The following ZNF160 variants were observed in gnomAD, a reference collection of about 807,000 sequenced individuals.
ZNF160 encodes the protein KRAB zinc finger protein KR18.
ZNF160 carries 9 observed loss-of-function variants against 13.1 expected under a neutral mutation model. The observed-to-expected ratio is 0.69, with a 90% CI of 0.41 to 1.20. ZNF160 has a LOEUF of 1.20. Among genes scored for constraint, ZNF160 ranks in the 50% most tolerant of loss-of-function variants. The pLI is 0.01. For missense variants in ZNF160, 838 were observed against 988.0 expected (o/e 0.85, Z 2.04); for synonymous variants, 293 against 333.2 (o/e 0.88, Z 1.31).
intron 3 of ZNF160, 108 bp from the exon 4 acceptor site, chr19:53,075,291 A>T (rs1340500700): frequency 7.1e-7 from 1 of 1,408,720 alleles, no homozygotes; most frequent in African/African-American, 1.4e-5. Flanking sequence ...GAAGTGGGTG[A>T]GCTGACAGAT....
Position 53,070,392 on chromosome 19 carries a change from T to C in ZNF160, c.272-130A>G, listed in dbSNP as rs1180005427. 3.0e-5 allele frequency: 30 copies of C among 1,011,244 alleles called. No homozygotes were observed. The East Asian group carries it at 8.7e-4, about 29-fold the overall frequency. 62.6% of individuals were successfully genotyped at this position (1,011,244 alleles called of 1,614,324 possible). ...GACTTTGGAACTTCAGAACTGTGAA[T>C]TTCAATTGTTAGGAACAAAAATGTT... On this transcript the variant is annotated intron_variant, in intron 5 of 5. Transcript: ENST00000683776.
At chr19:53,083,206 T>A (rs1265986829) in intron 3 of ZNF160, among the ~76,000 whole-genome samples, 1 of 152,128 alleles carries the variant, frequency 6.6e-6, no homozygotes, top group South Asian at 2.1e-4. Context: ...CCACTGGTGA[T>A]CAACTTAACC....
intron 1 of ZNF160, among the ~76,000 whole-genome samples, chr19:53,097,163 G>A (rs918590875): frequency 1.2e-4 from 13 of 109,746 alleles, no homozygotes; most frequent in African/African-American, 4.8e-4. Context: ...AACAGGGAGA[G>A]GCCACCGGCC....
chr19:53,087,589 T>C (rs191306221), intron 2 of ZNF160, among the ~76,000 whole-genome samples: 41 of 152,282 alleles, frequency 2.7e-4, no homozygotes, highest in East Asian at 1.4e-3. Flanking sequence ...TCACTCTTGT[T>C]GCCCAGGCTG....
At chr19:53,077,863 C>A (rs2084461249) in intron 3 of ZNF160, among the ~76,000 whole-genome samples, 1 of 151,746 alleles carries the variant, frequency 6.6e-6, no homozygotes, top group Admixed American at 6.6e-5. Context: ...ATCAGAAAAA[C>A]AATAAATATG....
rs2084119072 is a variant in ZNF160, at chr19:53,070,269, G to A, written c.272-7C>T. On this transcript the variant is annotated splice_region_variant and splice_polypyrimidine_tract_variant and intron_variant, in intron 5 of 5. Coordinates refer to ENST00000683776, the MANE Select transcript of ZNF160 (RefSeq NM_001322131.2). The stretch of plus-strand genomic sequence containing the variant: ...GTACATTTAGGAGGGATATCTACAA[G>A]ATATAAAGAACCACATAATTTCCAA... 2 of 1,550,914 alleles carry A rather than the reference G, an allele frequency of 1.3e-6. No homozygotes were observed. Among genetic ancestry groups the A allele is most frequent in the East Asian group, 4.5e-5 (2 of 44,138 alleles).
chr19:53,072,393 C>T (rs1273783370), intron 5 of ZNF160, among the ~76,000 whole-genome samples: 5 of 152,200 alleles, frequency 3.3e-5, no homozygotes, highest in Non-Finnish European at 1.5e-5. Flanking sequence ...AGCCTCTATA[C>T]CTGGCCTGAC....
rs1238961642 is a variant in ZNF160 at position 53,068,256 on chromosome 19, G to C, written c.2278C>G (p.Pro760Ala). 5.0e-6 allele frequency: 8 copies of C among 1,613,982 alleles called. No homozygotes were observed. The change falls in exon 6 of 6, where the codon CCT becomes GCT. Residue 760 changes from proline to alanine, a missense_variant. Pro to Ala is a conservative substitution (Grantham distance 27). Transcript: ENST00000683776. ...TTCCCACACTCTGTACACCTGTAAG[G>C]TTTCTCCCCAGTATGAATTCTTCGG... ...NHRRIHTGEK[P>A]YRCTECGKAF...
chr19:53,096,738 GGA>G (rs1326671803), intron 1 of ZNF160, among the ~76,000 whole-genome samples: 1 of 127,410 alleles, frequency 7.8e-6, no homozygotes, highest in Non-Finnish European at 1.7e-5. Context: ...AGGGGAGAAA[GGA>G]GAGAGACAAA....
intron 1 of ZNF160, among the ~76,000 whole-genome samples, chr19:53,100,396 G>T (rs2085398843): frequency 6.8e-6 from 1 of 147,272 alleles, no homozygotes; most frequent in African/African-American, 2.5e-5. Flanking sequence ...GGATCACGAG[G>T]TCAGGAGATC....
At chr19:53,093,251 C>G (rs2085100331) in intron 1 of ZNF160, among the ~76,000 whole-genome samples, 1 of 152,124 alleles carries the variant, frequency 6.6e-6, no homozygotes, top group Non-Finnish European at 1.5e-5. Context: ...ACAAGCCTGG[C>G]CAACATGGTG....
At chr19:53,099,373 G>A (rs1054105421) in intron 1 of ZNF160, among the ~76,000 whole-genome samples, 2 of 152,208 alleles carry the variant, frequency 1.3e-5, no homozygotes, top group Non-Finnish European at 2.9e-5. Context: ...TGTGACTAGG[G>A]CAGAGGGAGT....
At chr19:53,074,728 G>A (rs1214558281) in intron 4 of ZNF160, among the ~76,000 whole-genome samples, 2 of 150,470 alleles carry the variant, frequency 1.3e-5, no homozygotes, top group Non-Finnish European at 2.9e-5. Context: ...CAGGAAACAT[G>A]GTACATGCTG....
rs888298285 is a variant in ZNF160, at chr19:53,073,996, G to A, written c.271+144C>T. 4 of 736,916 alleles carry A rather than the reference G, an allele frequency of 5.4e-6. No homozygotes were observed. The Admixed American group carries it at 9.5e-5, about 18-fold the overall frequency. The allele number at this position is 736,916 out of a possible 1,614,324, so 45.6% of individuals were successfully genotyped here. On this transcript the variant is annotated intron_variant, in intron 5 of 5. Coordinates refer to ENST00000683776, the MANE Select transcript of ZNF160 (RefSeq NM_001322131.2). ...GTAGAGATAGGGTTTCACAATGTTG[G>A]TCAGGCTGGTCTCGAACTCCTGACC...
chr19:53,100,791 T>C (rs1273938839), intron 1 of ZNF160, among the ~76,000 whole-genome samples: 1 of 151,814 alleles, frequency 6.6e-6, no homozygotes, highest in Admixed American at 6.6e-5. Context: ...AAGACCAGCC[T>C]GGCCAATATA....
At chr19:53,080,746 A>G (rs1314289219) in intron 3 of ZNF160, among the ~76,000 whole-genome samples, 1 of 152,238 alleles carries the variant, frequency 6.6e-6, no homozygotes, top group Non-Finnish European at 1.5e-5. Context: ...AAAGCAAAAA[A>G]GAGCTCAAAG....
At chr19:53,074,578 G>A (rs1050342353) in intron 4 of ZNF160, among the ~76,000 whole-genome samples, 8 of 151,268 alleles carry the variant, frequency 5.3e-5, no homozygotes, top group Non-Finnish European at 1.0e-4. Flanking sequence ...GCTAAGGCAG[G>A]AGAATGGCAT....
At chr19:53,094,029 C>G (rs944423990) in intron 1 of ZNF160, among the ~76,000 whole-genome samples, 1 of 152,054 alleles carries the variant, frequency 6.6e-6, no homozygotes, top group Non-Finnish European at 1.5e-5. Context: ...AATGAGACCC[C>G]GATATCATAC....
intron 3 of ZNF160, among the ~76,000 whole-genome samples, chr19:53,083,451 C>T (rs2084710050): frequency 6.6e-6 from 1 of 152,204 alleles, no homozygotes; most frequent in South Asian, 2.1e-4. Context: ...GAACAATCCA[C>T]TGGTAGATAA....
Sources: gnomAD v4.1 joint callset for allele counts (sites outside exome capture counted in the v4.1 genomes callset) on GRCh38, gnomAD v4.1.1 for gene constraint, MANE v1.5 for transcripts, NCBI Gene and HGNC (gene_info 2026-07-23, HGNC 2026-07-21) for gene names.